CNKSR2: variants seen among roughly 807,000 people sequenced by gnomAD.
CNKSR2 encodes the protein CNK homolog protein 2.
CNKSR2 carries 14 observed loss-of-function variants against 84.4 expected under a neutral mutation model. The ratio of observed to expected loss-of-function variants is 0.17; its 90% CI spans 0.11 to 0.26. CNKSR2 has a LOEUF of 0.26. Among genes scored for constraint, CNKSR2 ranks in the 10% least tolerant of loss-of-function variants. The pLI, the probability that CNKSR2 is intolerant of heterozygous loss-of-function variation, is 1.00. For synonymous variants in CNKSR2, 275 were observed against 277.9 expected (o/e 0.99, Z 0.10); for missense variants, 485 against 771.2 (o/e 0.63, Z 4.40).
chrX:21,599,346 G>A (rs2092468132), intron 17 of CNKSR2, among the ~76,000 whole-genome samples: 1 of 95,388 alleles, frequency 1.0e-5, no homozygotes, highest in Non-Finnish European at 2.1e-5. Flanking sequence ...TTTGGTGTGT[G>A]TGTGTGTGTG....
intron 3 of CNKSR2, among the ~76,000 whole-genome samples, chrX:21,436,221 G>A (rs2090702504): frequency 9.0e-6 from 1 of 111,377 alleles, no homozygotes; most frequent in Admixed American, 9.5e-5. Context: ...AGTGACATTA[G>A]CACTACCATT....
intron 8 of CNKSR2, among the ~76,000 whole-genome samples, chrX:21,503,059 G>T (rs1013836381): frequency 1.8e-5 from 2 of 111,353 alleles, no homozygotes; most frequent in African/African-American, 6.5e-5. Context: ...GTCATTAAGA[G>T]GATAGAGATT....
chrX:21,374,642 C>CGCCGCG lies in CNKSR2; in HGVS notation c.-251_-250insGGCCGC, dbSNP rs1555910460. The CGCCGCG allele has an allele frequency of 7.8e-6, 4 of 511,873 alleles. No individual in the cohort carries two copies. The highest frequency in any genetic ancestry group is 1.4e-5 in the Non-Finnish European group (4 of 288,600). The allele number at this position is 511,873 out of a possible 1,213,427, so 42.2% of individuals were successfully genotyped here. A position where few individuals can be genotyped will look rare whatever the true frequency, so the allele number is the denominator to read the frequency against. Reference sequence around the variant, plus strand: ...CAGCAGCAGCAGCAGCCGCCGCCGCCGCCGCCTTAGCGGGAACTGAGCAGA... The same window carrying CGCCGCG: ...CAGCAGCAGCAGCAGCCGCCGCCGCCGCCGCGGCCGCCTTAGCGGGAACTGAGCAGA... On this transcript the variant is annotated 5_prime_UTR_variant, in exon 1 of 22. Coordinates refer to ENST00000379510, the MANE Select transcript of CNKSR2 (RefSeq NM_014927.5).
chrX:21,620,309 CAGT>C (rs745794437), intron 20 of CNKSR2, among the ~76,000 whole-genome samples: 74 of 109,288 alleles, frequency 6.8e-4, no homozygotes, highest in African/African-American at 2.5e-3. Context: ...TTTAATGTGT[CAGT>C]GGTATCTCTC....
intron 5 of CNKSR2, among the ~76,000 whole-genome samples, chrX:21,488,489 G>A (rs942344071): frequency 1.6e-4 from 18 of 111,762 alleles, no homozygotes; most frequent in African/African-American, 5.9e-4. Context: ...TTCAGATCAA[G>A]CCCATGTTCT....
intron 4 of CNKSR2, among the ~76,000 whole-genome samples, chrX:21,450,622 A>G (rs749478192): frequency 5.1e-4 from 57 of 111,911 alleles, no homozygotes; most frequent in Non-Finnish European, 9.8e-4. Flanking sequence ...TTATATTTTT[A>G]TTTATGATAG....
intron 13 of CNKSR2, among the ~76,000 whole-genome samples, chrX:21,564,362 G>A (rs2092219890): frequency 8.9e-6 from 1 of 111,776 alleles, no homozygotes; most frequent in African/African-American, 3.2e-5. Flanking sequence ...CAGAAGCAGG[G>A]CTATTAAGTC....
At chrX:21,643,093 T>G (rs2092696840) in intron 20 of CNKSR2, 2 of 111,097 alleles carry the variant, frequency 1.8e-5, no homozygotes, top group Admixed American at 1.9e-4. Flanking sequence ...GACTCCACAT[T>G]AATTTTCAAA....
At chrX:21,591,707 G>C (rs1296355085) in intron 15 of CNKSR2, 1 of 110,125 alleles carries the variant, frequency 9.1e-6, no homozygotes, top group Non-Finnish European at 1.9e-5. Context: ...ACTTGGCCCA[G>C]TGGGGGGGTA....
intron 13 of CNKSR2, among the ~76,000 whole-genome samples, chrX:21,586,561 C>T (rs1039698980): frequency 4.5e-5 from 5 of 111,390 alleles, no homozygotes; most frequent in Non-Finnish European, 9.4e-5. Flanking sequence ...AATTCCAAAG[C>T]GTCTAGAGAA....
intron 8 of CNKSR2, chrX:21,504,939 G>C (rs1334853773): frequency 3.5e-6 from 1 of 285,203 alleles, no homozygotes; most frequent in Non-Finnish European, 6.2e-6. Context: ...CTCCTCAAAG[G>C]CTGCTGGAAT....
intron 6 of CNKSR2, chrX:21,494,179 A>G (rs2091469899): frequency 8.9e-6 from 1 of 111,749 alleles, no homozygotes; most frequent in Non-Finnish European, 1.9e-5. Context: ...TGCTGTTTCC[A>G]TGATTTTTTA....
chrX:21,445,491 T>C (rs1251316315), intron 4 of CNKSR2, among the ~76,000 whole-genome samples: 2 of 110,696 alleles, frequency 1.8e-5, no homozygotes, highest in Admixed American at 9.7e-5. Flanking sequence ...AAATATGCAA[T>C]AAATTATTGG....
chrX:21,583,238 G>T (rs2092364057), intron 13 of CNKSR2, among the ~76,000 whole-genome samples: 1 of 111,297 alleles, frequency 9.0e-6, no homozygotes, highest in African/African-American at 3.3e-5. Context: ...CACCCTGATT[G>T]ACTCCAAGTT....
At chrX:21,532,363 T>A (rs1003945588) in intron 11 of CNKSR2, among the ~76,000 whole-genome samples, 1 of 111,259 alleles carries the variant, frequency 9.0e-6, no homozygotes, top group Non-Finnish European at 1.9e-5. Flanking sequence ...TGTTGCCAGT[T>A]TGGAAAAATT....
chrX:21,628,588 C>T (rs1287561414), intron 20 of CNKSR2, among the ~76,000 whole-genome samples: 1 of 111,963 alleles, frequency 8.9e-6, no homozygotes, highest in African/African-American at 3.2e-5. Flanking sequence ...GGCTGAACAC[C>T]ACAGGAAGCT....
chrX:21,590,051 AT>A (rs1369681834), intron 13 of CNKSR2, among the ~76,000 whole-genome samples: 1 of 111,561 alleles, frequency 9.0e-6, no homozygotes, highest in Middle Eastern at 4.6e-3. Context: ...CTACATGAAG[AT>A]TAGTCACCAA....
intron 8 of CNKSR2, among the ~76,000 whole-genome samples, chrX:21,514,635 T>C (rs776367714): frequency 4.1e-3 from 459 of 111,578 alleles, no homozygotes; most frequent in Middle Eastern, 9.1e-3. Context: ...TGAAAAGAAA[T>C]TGGTGAGTAG....
At chrX:21,398,787 A>T (rs768168815) in intron 1 of CNKSR2, among the ~76,000 whole-genome samples, 3 of 111,873 alleles carry the variant, frequency 2.7e-5, no homozygotes, top group Non-Finnish European at 5.6e-5. Context: ...GAAATCTATG[A>T]CTTTATATTG....
Sources: gnomAD v4.1 joint callset for allele counts (sites outside exome capture counted in the v4.1 genomes callset) on GRCh38, gnomAD v4.1.1 for gene constraint, MANE v1.5 for transcripts, NCBI Gene and HGNC (gene_info 2026-07-23, HGNC 2026-07-21) for gene names.